Variants in LONP1 observed in about 807,000 individuals in gnomAD.
The protein encoded by LONP1 is lon peptidase 1, mitochondrial.
In LONP1, 31 loss-of-function variants were observed where a neutral mutation model predicts 98.5. The observed-to-expected ratio is 0.31, with a 90% CI of 0.24 to 0.42. The LOEUF (loss-of-function observed/expected upper bound fraction) is 0.42, where lower values mean the gene tolerates loss of function less well. Among genes scored for constraint, LONP1 ranks in the 20% least tolerant of loss-of-function variants. LONP1 has a pLI of 1.00. For synonymous variants in LONP1, 781 were observed against 594.7 expected (o/e 1.31, Z -4.56); for missense variants, 1,336 against 1,350.6 (o/e 0.99, Z 0.17).
intron 8 of LONP1, among the ~76,000 whole-genome samples, chr19:5,701,796 T>A (rs2055049562): frequency 6.7e-6 from 1 of 149,738 alleles, no homozygotes; most frequent in Non-Finnish European, 1.5e-5. Context: ...CCGCCCATCG[T>A]CTGGGATGTG....
At chr19:5,698,376 C>G (rs2054980289) in intron 10 of LONP1, among the ~76,000 whole-genome samples, 1 of 152,218 alleles carries the variant, frequency 6.6e-6, no homozygotes, top group Non-Finnish European at 1.5e-5. Flanking sequence ...TCGGCTCTCA[C>G]TGAGGCTACG....
chr19:5,711,505 G>A (rs956894639), intron 4 of LONP1, among the ~76,000 whole-genome samples: 1 of 152,214 alleles, frequency 6.6e-6, no homozygotes, highest in East Asian at 1.9e-4. Flanking sequence ...ACGGGCTGGG[G>A]CTGGACCTGG....
chr19:5,718,823 C>G (rs2055369476), intron 1 of LONP1, among the ~76,000 whole-genome samples: 1 of 152,050 alleles, frequency 6.6e-6, no homozygotes, highest in Non-Finnish European at 1.5e-5. Context: ...CTCCCCACCC[C>G]CAAGGCTCTT....
At chr19:5,713,335 G>A in intron 2 of LONP1, 82 bp from the exon 3 acceptor site, 1 of 1,439,800 alleles carries the variant, frequency 6.9e-7, no homozygotes, top group Non-Finnish European at 9.6e-7. Context: ...GGAGGAGGGA[G>A]AGAAAAGAAA....
intron 9 of LONP1, 137 bp from the exon 10 acceptor site, chr19:5,699,342 C>T: frequency 3.4e-6 from 2 of 595,402 alleles, no homozygotes; most frequent in Non-Finnish European, 2.6e-6. Context: ...GGAGGCTGAG[C>T]ACATCAGAGC....
At chr19:5,692,919 C>G (rs888949446) in intron 17 of LONP1, among the ~76,000 whole-genome samples, 1 of 152,028 alleles carries the variant, frequency 6.6e-6, no homozygotes, top group African/African-American at 2.4e-5. Flanking sequence ...CAGTGGCGCT[C>G]CAACCTGCTC....
Position 5,692,078 on chromosome 19 carries a change from A to C in LONP1, c.2834T>G (p.Ile945Ser). The C allele has an allele frequency of 6.2e-7, 1 of 1,610,406 alleles. No individual in the cohort carries two copies. The highest frequency in any genetic ancestry group is 8.5e-7 in the Non-Finnish European group (1 of 1,177,792). Residue 945 changes from isoleucine (I) to serine (S), a missense_variant, in exon 18 of 18, where the codon ATC (isoleucine) becomes AGC (serine). Physicochemically the swap from Ile to Ser is moderately radical, Grantham distance 142 (BLOSUM62 -2). Transcript: ENST00000360614. ...CTCTGCCTGCTCGTCCGGGAAGGCG[A>C]TGTCGAAGATCTCCCGGTAGTGTTC... The part of the protein sequence containing the change: ...FVEHYREIFD[I>S]AFPDEQAEAL...
rs560611663 is a variant in LONP1 at position 5,719,648 on chromosome 19, C to T, written c.429+56G>A. 5 of 1,612,518 alleles carry T rather than the reference C, an allele frequency of 3.1e-6. No individual in the cohort carries two copies. The East Asian group carries it at 8.9e-5, about 29-fold the overall frequency. ...AGGGCGCTCAAGTGATCCCACGGTT[C>T]AGCCCGCTGCTTGCACAGGTGGGAA... On this transcript the variant is annotated intron_variant, in intron 1 of 17. Coordinates refer to ENST00000360614, the MANE Select transcript of LONP1 (RefSeq NM_004793.4).
rs552902054 is a variant in LONP1, at chr19:5,698,832, G to A, written c.1685+195C>T. Among the ~76,000 whole-genome samples, 20 of 152,350 alleles carry A rather than the reference G, an allele frequency of 1.3e-4. No homozygotes were observed. The South Asian group carries it at 2.7e-3, about 21-fold the overall frequency. ...TCAAGCCATGGAGGTTCCTGCCAGCGCTGTTTGAGCACCTGGAATCAGCTG... is the reference window on the plus strand; with the variant it reads ...TCAAGCCATGGAGGTTCCTGCCAGCACTGTTTGAGCACCTGGAATCAGCTG... On this transcript the variant is annotated intron_variant, in intron 10 of 17. Coordinates refer to ENST00000360614, the MANE Select transcript of LONP1 (RefSeq NM_004793.4).
chr19:5,706,598 C>A (rs1031829765), intron 7 of LONP1, among the ~76,000 whole-genome samples: 1 of 152,046 alleles, frequency 6.6e-6, no homozygotes, highest in African/African-American at 2.4e-5. Context: ...CCGACTGAGA[C>A]CCTGTCTTAA....
chr19:5,691,997 C>CCTGACATCCAGTTCTGGCCCAGACAGGGA lies in LONP1; in HGVS notation c.*34_*35insTCCCTGTCTGGGCCAGAACTGGATGTCAG. 1 of 1,592,504 alleles carries CCTGACATCCAGTTCTGGCCCAGACAGGGA rather than the reference C, an allele frequency of 6.3e-7. No homozygotes were observed. The highest frequency in any genetic ancestry group is 1.7e-5 in the Admixed American group (1 of 58,374). On this transcript the variant is annotated 3_prime_UTR_variant, in exon 18 of 18. Transcript: ENST00000360614. ...GCGCTCAGTTCTGGCCCAGACAGGG[C>CCTGACATCCAGTTCTGGCCCAGACAGGGA]CTGACATCCGCCGCCTGCAGTCCCG...
At chr19:5,712,039 G>C (rs762128468) in intron 3 of LONP1, 37 bp from the exon 4 acceptor site, 1 of 1,563,342 alleles carries the variant, frequency 6.4e-7, no homozygotes, top group Admixed American at 1.7e-5. Context: ...ATCAGCCGCT[G>C]AGGCTGGGAG....
At chr19:5,702,491 G>A (rs2055071423) in intron 8 of LONP1, among the ~76,000 whole-genome samples, 1 of 151,610 alleles carries the variant, frequency 6.6e-6, no homozygotes, top group Non-Finnish European at 1.5e-5. Context: ...GTGGGGGTCA[G>A]CCCCCCGCCC....
chr19:5,692,424 G>A (rs988434852), intron 17 of LONP1, among the ~76,000 whole-genome samples: 9 of 152,184 alleles, frequency 5.9e-5, no homozygotes, highest in Admixed American at 2.0e-4. Context: ...CTGAGAGCAG[G>A]AGCCAGGGCC....
rs943088383 is a variant in LONP1, at chr19:5,699,143, GC to G, written c.1568del (p.Gly523AlafsTer18). On this transcript the variant is annotated frameshift_variant, in exon 10 of 18. Coordinates refer to ENST00000360614, the MANE Select transcript of LONP1 (RefSeq NM_004793.4). LOFTEE classifies it high-confidence loss of function. ...TGCTGGTCTTACCCACGCCAGGGGG[GC>G]CATAGAAGCAGAGGATCTTGCCCTG... ...STQGKILCFY[G>X]PPGVGKTSIA... 6.4e-7 allele frequency: 1 copy of G among 1,558,882 alleles called. No individual in the cohort carries two copies. The highest frequency in any genetic ancestry group is 1.4e-5 in the African/African-American group (1 of 72,918).
chr19:5,697,869 C>T (rs1270870028), intron 10 of LONP1, among the ~76,000 whole-genome samples: 6 of 152,062 alleles, frequency 3.9e-5, no homozygotes, highest in Non-Finnish European at 5.9e-5. Flanking sequence ...TTCAGAACCC[C>T]GCCAGGGTCT....
At chr19:5,716,259 C>CATACATATATATATATAT (rs1555714148) in intron 1 of LONP1, among the ~76,000 whole-genome samples, 3 of 77,216 alleles carry the variant, frequency 3.9e-5, no homozygotes, top group Non-Finnish European at 4.7e-5. Flanking sequence ...TTAAAATATA[C>CATACATATATATATATAT]ATATATATAT....
In LONP1 at chr19:5,719,966, C is replaced by A; in HGVS notation, c.167G>T (p.Gly56Val). ...TTGGCCCCCAATTGCCGGGCCTCGG[C>A]CCCACAGTGCCCAAGGAGGAGAGGC... Reference protein sequence around the residue: ...CDASPPWALWGRGPAIGGQWR... With the variant: ...CDASPPWALWVRGPAIGGQWR... Residue 56 changes from glycine to valine, a missense_variant, in exon 1 of 18, where the codon GGC becomes GTC. By Grantham distance (109) the Gly-to-Val change is moderately radical (BLOSUM62 -3). Around this residue, in one of 5 missense-constraint regions of LONP1, gnomAD observed 457 missense variants for 403.1 expected, o/e 1.13. Coordinates refer to ENST00000360614, the MANE Select transcript of LONP1 (RefSeq NM_004793.4). The A allele has an allele frequency of 1.3e-6, 2 of 1,577,328 alleles. No individual in the cohort carries two copies. Among genetic ancestry groups the A allele is most frequent in the South Asian group, 1.2e-5 (1 of 86,564 alleles).
At chr19:5,696,018 G>C in intron 13 of LONP1, 36 bp downstream of exon 13, 1 of 1,583,990 alleles carries the variant, frequency 6.3e-7, no homozygotes. Context: ...CCCCTGCTCT[G>C]GGAAGGGGAC....
Sources: gnomAD v4.1 joint callset for allele counts (sites outside exome capture counted in the v4.1 genomes callset) on GRCh38, gnomAD v4.1.1 for gene constraint, gnomAD v4.1.1 regional missense constraint, MANE v1.5 for transcripts, NCBI Gene and HGNC (gene_info 2026-07-23, HGNC 2026-07-21) for gene names.